GALNTL6: variants seen among roughly 807,000 people sequenced by gnomAD.
GALNTL6 encodes polypeptide N-acetylgalactosaminyltransferase like 6, also known as polypeptide N-acetylgalactosaminyltransferase-like 6.
Under a neutral mutation model 73.7 loss-of-function variants are expected in GALNTL6, and 46 were observed. The ratio of observed to expected loss-of-function variants is 0.62; its 90% confidence interval spans 0.49 to 0.80. The LOEUF (loss-of-function observed/expected upper bound fraction) is 0.80, where lower values mean the gene tolerates loss of function less well. Among genes scored for constraint, GALNTL6 ranks in the 30% least tolerant of loss-of-function variants. GALNTL6 has a pLI of 0.00. For missense variants in GALNTL6, 604 were observed against 755.0 expected (o/e 0.80, Z 2.34); for synonymous variants, 259 against 263.7 (o/e 0.98, Z 0.17).
chr4:172,939,225 A>G (rs774365570), intron 9 of GALNTL6, among the ~76,000 whole-genome samples: 20 of 152,174 alleles, frequency 1.3e-4, no homozygotes, highest in Non-Finnish European at 2.1e-4. Flanking sequence ...GAGCCCGGGA[A>G]GTCAAGGCTG....
chr4:172,226,071 G>A (rs1487634259), intron 2 of GALNTL6, among the ~76,000 whole-genome samples: 1 of 152,120 alleles, frequency 6.6e-6, no homozygotes, highest in Non-Finnish European at 1.5e-5. Flanking sequence ...TGCAAATAAT[G>A]TTTTAAATCC....
chr4:172,174,062 T>G (rs575210001), intron 2 of GALNTL6, among the ~76,000 whole-genome samples: 1 of 152,312 alleles, frequency 6.6e-6, no homozygotes, highest in East Asian at 1.9e-4. Context: ...TTTAAAAAGA[T>G]CATTCTAGCT....
At chr4:172,137,716 T>A (rs183181681) in intron 2 of GALNTL6, among the ~76,000 whole-genome samples, 1 of 152,170 alleles carries the variant, frequency 6.6e-6, no homozygotes, top group East Asian at 1.9e-4. Context: ...TCTGTGATAT[T>A]TGAGCTCTTT....
At chr4:172,087,305 C>A (rs28380378) in intron 2 of GALNTL6, among the ~76,000 whole-genome samples, 1 of 151,380 alleles carries the variant, frequency 6.6e-6, no homozygotes, top group Non-Finnish European at 1.5e-5. Context: ...ATTAGCCGGG[C>A]GTGGGGGTGG....
intron 2 of GALNTL6, among the ~76,000 whole-genome samples, chr4:171,846,025 T>G (rs1735358780): frequency 6.6e-6 from 1 of 152,200 alleles, no homozygotes; most frequent in South Asian, 2.1e-4. Flanking sequence ...TTATTTCACT[T>G]TTCAAATCAG....
chr4:172,378,295 G>A (rs1743126220), intron 5 of GALNTL6, among the ~76,000 whole-genome samples: 1 of 152,108 alleles, frequency 6.6e-6, no homozygotes, highest in South Asian at 2.1e-4. Context: ...TTGAAAGCAG[G>A]GAAGCCGATT....
rs78910558 is a variant in GALNTL6, at chr4:172,678,960, A to G, written c.554-130401A>G. 5.8e-3 allele frequency among the ~76,000 whole-genome samples: 878 copies of G among 152,298 alleles called. 13 individuals are homozygous for G. Among genetic ancestry groups the G allele is most frequent in the African/African-American group, 0.02 (846 of 41,572 alleles). On this transcript the variant is annotated intron_variant, in intron 5 of 12. Transcript: ENST00000506823. ...AAACATACTCTGGTACAACTACTCA[A>G]TTTGTCCATAGCAACGTGAACACAG... is the stretch of plus-strand genomic sequence containing the variant.
At chr4:172,528,317 AAAATATATATATATATATATATAT>A (rs1471642762) in intron 5 of GALNTL6, among the ~76,000 whole-genome samples, 2 of 118,532 alleles carry the variant, frequency 1.7e-5, no homozygotes, top group African/African-American at 6.8e-5. Flanking sequence ...TGCTAGAAAT[AAAATATATATATATATATATATAT>A]ATATATATAT....
intron 5 of GALNTL6, among the ~76,000 whole-genome samples, chr4:172,503,027 C>G (rs1734317844): frequency 1.3e-5 from 2 of 152,000 alleles, no homozygotes. Flanking sequence ...ATAAATGGAA[C>G]CAAGATTCTC....
At chr4:172,538,161 T>A (rs560393023) in intron 5 of GALNTL6, among the ~76,000 whole-genome samples, 3 of 152,058 alleles carry the variant, frequency 2.0e-5, no homozygotes, top group Non-Finnish European at 4.4e-5. Flanking sequence ...TAAAATGAAC[T>A]TCAAGATTTC....
intron 2 of GALNTL6, among the ~76,000 whole-genome samples, chr4:171,957,413 T>C (rs897751614): frequency 6.6e-6 from 1 of 152,200 alleles, no homozygotes; most frequent in Non-Finnish European, 1.5e-5. Flanking sequence ...TTACTCACTT[T>C]GGTCCCTGGT....
At chr4:172,814,697 G>A (rs913410446) in intron 7 of GALNTL6, among the ~76,000 whole-genome samples, 10 of 152,150 alleles carry the variant, frequency 6.6e-5, no homozygotes, top group Middle Eastern at 3.4e-3. Context: ...TACTGAGTAC[G>A]AAAACCACTT....
intron 3 of GALNTL6, among the ~76,000 whole-genome samples, chr4:172,279,738 G>T (rs1738974950): frequency 6.6e-6 from 1 of 152,042 alleles, no homozygotes; most frequent in Non-Finnish European, 1.5e-5. Flanking sequence ...ATAAACAAGA[G>T]AATTGAAAGC....
intron 2 of GALNTL6, among the ~76,000 whole-genome samples, chr4:172,057,253 G>A (rs1031540820): frequency 2.0e-5 from 3 of 151,848 alleles, no homozygotes; most frequent in Admixed American, 6.6e-5. Context: ...ACCCAAAAAA[G>A]TACCAAAAAA....
At chr4:172,965,628 A>G (rs1020844949) in intron 10 of GALNTL6, among the ~76,000 whole-genome samples, 1 of 142,236 alleles carries the variant, frequency 7.0e-6, no homozygotes, top group African/African-American at 2.6e-5. Flanking sequence ...TAAAAAAAAA[A>G]AAACAATTTT....
chr4:171,929,645 A>G (rs995280987), intron 2 of GALNTL6, among the ~76,000 whole-genome samples: 4 of 152,204 alleles, frequency 2.6e-5, no homozygotes, highest in Non-Finnish European at 5.9e-5. Flanking sequence ...TTGGCAGCCA[A>G]TCTGGTCAGA....
At chr4:172,359,258 A>G (rs927912937) in intron 5 of GALNTL6, among the ~76,000 whole-genome samples, 4 of 152,234 alleles carry the variant, frequency 2.6e-5, no homozygotes, top group Admixed American at 2.0e-4. Context: ...GGAGGCCATT[A>G]TCCTTGGCAG....
chr4:172,963,447 C>T (rs1249408058), intron 10 of GALNTL6, among the ~76,000 whole-genome samples: 2 of 152,186 alleles, frequency 1.3e-5, no homozygotes, highest in African/African-American at 4.8e-5. Flanking sequence ...TCATCTATCT[C>T]TCCCACTAGA....
chr4:172,464,676 C>T (rs965026531), intron 5 of GALNTL6, among the ~76,000 whole-genome samples: 1 of 152,024 alleles, frequency 6.6e-6, no homozygotes, highest in South Asian at 2.1e-4. Flanking sequence ...CACTGCACTC[C>T]AGCCTGGGTG....
Sources: gnomAD v4.1 joint callset for allele counts (sites outside exome capture counted in the v4.1 genomes callset) on GRCh38, gnomAD v4.1.1 for gene constraint, MANE v1.5 for transcripts, NCBI Gene and HGNC (gene_info 2026-07-23, HGNC 2026-07-21) for gene names.